The following CDC37 variants were observed in gnomAD, a reference collection of about 807,000 sequenced individuals.
CDC37 encodes the protein cell division cycle 37, HSP90 cochaperone, also known as hsp90 co-chaperone Cdc37.
In CDC37, 9 loss-of-function variants were observed where a neutral mutation model predicts 46.9. That is an observed-to-expected ratio of 0.19 (90% CI 0.12 to 0.33). CDC37 has a LOEUF of 0.33. Ranked by LOEUF, CDC37 falls within the 10% of genes least tolerant of loss-of-function variation. The probability of loss-of-function intolerance (pLI) is 1.00; values close to 1 mark genes in which losing one functional copy is unlikely to be tolerated. For missense variants in CDC37, 388 were observed against 514.6 expected (o/e 0.75, Z 2.38); for synonymous variants, 193 against 191.0 (o/e 1.01, Z -0.09).
chr19:10,394,925 G>T, intron 5 of CDC37, 96 bp downstream of exon 5: 1 of 1,322,740 alleles, frequency 7.6e-7, no homozygotes, highest in South Asian at 1.8e-5. Flanking sequence ...GGAGGGGCTT[G>T]AGTCCCAGTG....
chr19:10,395,099 C>A lies in CDC37; in HGVS notation c.648G>T (p.Met216Ile). 1 of 1,572,938 alleles carries A rather than the reference C, an allele frequency of 6.4e-7. No individual in the cohort carries two copies. Among genetic ancestry groups the A allele is most frequent in the Non-Finnish European group, 8.6e-7 (1 of 1,156,584 alleles). Residue 216 changes from methionine (M) to isoleucine (I), a missense_variant, in exon 5 of 8, where the codon ATG becomes ATT. Met to Ile is a conservative substitution (Grantham distance 10, BLOSUM62 1). Transcript: ENST00000222005. The part of the protein sequence containing the change: ...MEQVAHQTIV[M>I]QFILELAKSL... ...TCTTGGCCAGCTCCAGGATAAATTGCATGACGATTGTCTGGTGGGCCACCT... is the reference window on the plus strand; with the variant it reads ...TCTTGGCCAGCTCCAGGATAAATTGAATGACGATTGTCTGGTGGGCCACCT...
At chr19:10,394,963 T>C (rs2042479200) in intron 5 of CDC37, 58 bp downstream of exon 5, 2 of 1,504,232 alleles carry the variant, frequency 1.3e-6, no homozygotes, top group South Asian at 1.4e-5. Context: ...CCTAGAGCAT[T>C]GTGGGCTGGT....
At chr19:10,403,137 G>A (rs2042528769) in intron 1 of CDC37, among the ~76,000 whole-genome samples, 1 of 152,104 alleles carries the variant, frequency 6.6e-6, no homozygotes, top group African/African-American at 2.4e-5. Context: ...AGAAGTTCTA[G>A]GGGGTGAATA....
intron 1 of CDC37, among the ~76,000 whole-genome samples, chr19:10,399,561 G>C (rs1225231190): frequency 2.0e-5 from 3 of 151,172 alleles, no homozygotes; most frequent in African/African-American, 7.3e-5. Context: ...TAGCACTTTG[G>C]GAGGCCGAGG....
intron 2 of CDC37, 25 bp downstream of exon 2, chr19:10,395,903 T>A: frequency 3.2e-6 from 5 of 1,573,844 alleles, no homozygotes; most frequent in Admixed American, 1.7e-5. Flanking sequence ...GCATGCGCAC[T>A]GCCCGCCCCG....
chr19:10,400,805 G>C (rs2042514815), intron 1 of CDC37: 1 of 151,812 alleles, frequency 6.6e-6, no homozygotes. Flanking sequence ...TAGGACTATA[G>C]GCATGTGCCA....
intron 1 of CDC37, 105 bp downstream of exon 1, chr19:10,403,273 G>T (rs1341347297): frequency 3.7e-6 from 3 of 812,066 alleles, no homozygotes; most frequent in Admixed American, 4.2e-5. Context: ...GACTGGGGGG[G>T]TGAGAATCCT....
chr19:10,395,566 G>C (rs2042484128), intron 2 of CDC37, 23 bp from the exon 3 acceptor site: 1 of 1,572,686 alleles, frequency 6.4e-7, no homozygotes, highest in Non-Finnish European at 8.8e-7. Flanking sequence ...GAGAGGGGGA[G>C]TGGGCTGGGG....
rs116720475 is a variant in CDC37 at position 10,392,879 on chromosome 19, G to A, written c.981+207C>T. The A allele has an allele frequency of 1.2e-3, 702 of 599,396 alleles. 6 individuals are homozygous for A. The African/African-American group carries it at 0.012, about 10-fold the overall frequency. 37.1% of individuals were successfully genotyped at this position (599,396 alleles called of 1,614,324 possible). A position where few individuals can be genotyped will look rare whatever the true frequency, so the allele number is the denominator to read the frequency against. On this transcript the variant is annotated intron_variant, in intron 7 of 7. Coordinates refer to ENST00000222005, the MANE Select transcript of CDC37 (RefSeq NM_007065.4). ...ACAGTGACAGTCACGAAGGACATGC[G>A]CTCAAAGCTCAGCATTTATCTGCTG... is the stretch of plus-strand genomic sequence containing the variant.
Position 10,403,492 on chromosome 19 carries a change from G to T in CDC37, c.-13C>A. The T allele has an allele frequency of 6.2e-7, 1 of 1,602,356 alleles. No homozygotes were observed. The highest frequency in any genetic ancestry group is 8.5e-7 in the Non-Finnish European group (1 of 1,171,140). On this transcript the variant is annotated 5_prime_UTR_variant, in exon 1 of 8. Coordinates refer to ENST00000222005, the MANE Select transcript of CDC37 (RefSeq NM_007065.4). ...TGTAGTCCACCATCTTGCCTTGGCG[G>T]CCCAGCCCGCTCCGGCTCGGGTGGC... is the stretch of plus-strand genomic sequence containing the variant.
intron 1 of CDC37, among the ~76,000 whole-genome samples, chr19:10,402,021 G>A (rs2042521010): frequency 6.6e-6 from 1 of 151,910 alleles, no homozygotes; most frequent in African/African-American, 2.4e-5. Flanking sequence ...AGGCATGGTG[G>A]TGCATCATGC....
At chr19:10,395,904 GCCC>G in intron 2 of CDC37, 21 bp downstream of exon 2, 70 of 1,541,790 alleles carry the variant, frequency 4.5e-5, no homozygotes, top group Admixed American at 2.7e-4. Flanking sequence ...CATGCGCACT[GCCC>G]GCCCCGCCCG....
In CDC37 at chr19:10,403,529, C is replaced by G. The variant is rs751885769; in HGVS notation, c.-50G>C. 7.0e-6 allele frequency: 10 copies of G among 1,426,280 alleles called. No individual in the cohort carries two copies. The Admixed American group carries it at 1.7e-4, about 25-fold the overall frequency. 88.4% of individuals were successfully genotyped at this position (1,426,280 alleles called of 1,614,324 possible). Reference sequence around the variant, plus strand: ...CCGGCTCGGGTGGCGGCGACGGCGGCAGCAGTGGAGACTAGGAGCGCGGAG... The same window carrying G: ...CCGGCTCGGGTGGCGGCGACGGCGGGAGCAGTGGAGACTAGGAGCGCGGAG... On this transcript the variant is annotated 5_prime_UTR_variant, in exon 1 of 8. Coordinates refer to ENST00000222005, the MANE Select transcript of CDC37 (RefSeq NM_007065.4).
intron 2 of CDC37, 24 bp downstream of exon 2, chr19:10,395,904 G>GGCCCCCCCCC: frequency 6.5e-7 from 1 of 1,541,894 alleles, no homozygotes; most frequent in Non-Finnish European, 8.9e-7. Flanking sequence ...CATGCGCACT[G>GGCCCCCCCCC]CCCGCCCCGC....
chr19:10,395,226 ACCT>A lies in CDC37; in HGVS notation c.602_603+1del. On this transcript the variant is annotated splice_donor_variant and coding_sequence_variant, in exon 4 of 8. Coordinates refer to ENST00000222005, the MANE Select transcript of CDC37 (RefSeq NM_007065.4). LOFTEE classifies it high-confidence loss of function. ...CACAGTCCCGGGGAAAGCTCCACTCACCTCCTCCACCTCTAGGTCAATGCACCA... is the reference window on the plus strand; with the variant it reads ...CACAGTCCCGGGGAAAGCTCCACTCACCTCCACCTCTAGGTCAATGCACCA... The A allele has an allele frequency of 6.2e-7, 1 of 1,613,518 alleles. No homozygotes were observed. The highest frequency in any genetic ancestry group is 8.5e-7 in the Non-Finnish European group (1 of 1,179,860).
Position 10,391,474 on chromosome 19 carries a change from C to A in CDC37, c.*77G>T. The A allele has an allele frequency of 6.4e-7, 1 of 1,563,994 alleles. No homozygotes were observed. The highest frequency in any genetic ancestry group is 8.8e-7 in the Non-Finnish European group (1 of 1,135,992). On this transcript the variant is annotated 3_prime_UTR_variant, in exon 8 of 8. Transcript: ENST00000222005. Reference sequence around the variant, plus strand: ...GCAAGTAGAGGAAGTCAGGAGCGGGCGAGATGGCATCTATCTGTTTTCTGA... The same window carrying A: ...GCAAGTAGAGGAAGTCAGGAGCGGGAGAGATGGCATCTATCTGTTTTCTGA...
chr19:10,397,416 T>C (rs2042498005), intron 1 of CDC37, among the ~76,000 whole-genome samples: 1 of 69,304 alleles, frequency 1.4e-5, no homozygotes, highest in Non-Finnish European at 2.7e-5. Context: ...CAAGCCTGGC[T>C]TTTTTTTTTT....
At position 10,403,507 on chromosome 19, in the gene CDC37, G is replaced by C. The variant is rs752725255; in HGVS notation, c.-28C>G. The C allele has an allele frequency of 7.7e-6, 12 of 1,564,888 alleles. No homozygotes were observed. Among genetic ancestry groups the C allele is most frequent in the Non-Finnish European group, 9.7e-6 (11 of 1,139,226 alleles). The stretch of plus-strand genomic sequence containing the variant: ...TGCCTTGGCGGCCCAGCCCGCTCCG[G>C]CTCGGGTGGCGGCGACGGCGGCAGC... On this transcript the variant is annotated 5_prime_UTR_variant, in exon 1 of 8. Coordinates refer to ENST00000222005, the MANE Select transcript of CDC37 (RefSeq NM_007065.4).
Position 10,393,459 on chromosome 19 carries a change from T to G in CDC37, c.727-18A>C. The G allele has an allele frequency of 6.2e-7, 1 of 1,602,704 alleles. No individual in the cohort carries two copies. Among genetic ancestry groups the G allele is most frequent in the Non-Finnish European group, 8.5e-7 (1 of 1,174,892 alleles). Reference sequence around the variant, plus strand: ...TCGGCTGTCTATGGGGGTTGGGCAGTGCTCACTGGACCTGGCCCAACGCTC... The same window carrying G: ...TCGGCTGTCTATGGGGGTTGGGCAGGGCTCACTGGACCTGGCCCAACGCTC... On this transcript the variant is annotated intron_variant, in intron 5 of 7. Transcript: ENST00000222005. This position sits in a 1 kb window ranked among gnomAD's most constrained non-coding sequence, Gnocchi z 4.9.
Sources: gnomAD v4.1 joint callset for allele counts (sites outside exome capture counted in the v4.1 genomes callset) on GRCh38, gnomAD v4.1.1 for gene constraint, Gnocchi (gnomAD v3.1) non-coding constraint, MANE v1.5 for transcripts, NCBI Gene and HGNC (gene_info 2026-07-23, HGNC 2026-07-21) for gene names.